Variants in CSMD1 observed in about 807,000 individuals in gnomAD.
The protein encoded by CSMD1 is CUB and sushi domain-containing protein 1.
A neutral mutation model predicts 417.5 loss-of-function variants in CSMD1; 213 were observed. The observed-to-expected ratio is 0.51, with a 90% CI of 0.46 to 0.57. The LOEUF (loss-of-function observed/expected upper bound fraction) is 0.57, where lower values mean the gene tolerates loss of function less well. Ranked by LOEUF, CSMD1 falls within the 20% of genes least tolerant of loss-of-function variation. The probability of loss-of-function intolerance (pLI) is 0.00; values close to 1 mark genes in which losing one functional copy is unlikely to be tolerated. For missense variants in CSMD1, 6,923 were observed against 4,529.7 expected (o/e 1.53, Z -15.17); for synonymous variants, 2,862 against 1,736.8 (o/e 1.65, Z -16.11).
chr8:3,262,886 A>G (rs1449635769), intron 26 of CSMD1, among the ~76,000 whole-genome samples: 5 of 152,216 alleles, frequency 3.3e-5, no homozygotes, highest in African/African-American at 9.6e-5. Flanking sequence ...ATTTTGTACA[A>G]GAGGGAATGT....
In CSMD1 at chr8:3,730,199, G is replaced by C. The variant is rs1802761510; in HGVS notation, c.932-21708C>G. On this transcript the variant is annotated intron_variant, in intron 6 of 69. Coordinates refer to ENST00000635120, the MANE Select transcript of CSMD1 (RefSeq NM_033225.6). Reference sequence around the variant, plus strand: ...AAATCATGTCTCCAACAGGTAGGCAGAGAATGAGGCTTCCAGTTTGATTCC... The same window carrying C: ...AAATCATGTCTCCAACAGGTAGGCACAGAATGAGGCTTCCAGTTTGATTCC... Among the ~76,000 whole-genome samples, 3 of 152,012 alleles carry C rather than the reference G, an allele frequency of 2.0e-5. No homozygotes were observed. The South Asian group carries it at 6.2e-4, about 32-fold the overall frequency.
Position 3,498,689 on chromosome 8 carries a change from T to A in CSMD1, c.1345-4963A>T, listed in dbSNP as rs559410283. On this transcript the variant is annotated intron_variant, in intron 10 of 69. Coordinates refer to ENST00000635120, the MANE Select transcript of CSMD1 (RefSeq NM_033225.6). ...CACATTTTGTAGGCATTCCTTATTC[T>A]TACTTATTCTTTTTTGTCTGACTGG... Among the ~76,000 whole-genome samples, 48 of 152,352 alleles carry A rather than the reference T, an allele frequency of 3.2e-4. No homozygotes were observed. In the Middle Eastern group the frequency reaches 0.01, roughly 32 times the overall value.
At chr8:3,217,516 C>T (rs6981827) in intron 29 of CSMD1, among the ~76,000 whole-genome samples, 11,124 of 152,126 alleles carry the variant, frequency 0.073, 509 homozygotes, top group South Asian at 0.15. Flanking sequence ...GTTTTGTTTA[C>T]TTGCCTGCAT....
Position 3,822,910 on chromosome 8 carries a change from G to C in CSMD1, c.819-68868C>G, listed in dbSNP as rs73658293. On this transcript the variant is annotated intron_variant, in intron 5 of 69. Coordinates refer to ENST00000635120, the MANE Select transcript of CSMD1 (RefSeq NM_033225.6). The stretch of plus-strand genomic sequence containing the variant: ...GAACCAGAGTAACTCACTGTGCAGA[G>C]CTAAGTAAAGACTGTTTGGTATTCT... Among the ~76,000 whole-genome samples, 216 of 152,280 alleles carry C rather than the reference G, an allele frequency of 1.4e-3. 2 individuals are homozygous for C. Among genetic ancestry groups the C allele is most frequent in the African/African-American group, 4.4e-3 (183 of 41,562 alleles).
At chr8:3,810,548 T>C (rs1563103227) in intron 5 of CSMD1, among the ~76,000 whole-genome samples, 3 of 152,126 alleles carry the variant, frequency 2.0e-5, no homozygotes, top group South Asian at 2.1e-4. Flanking sequence ...TGGTCTGTAA[T>C]CAACCGAGGG....
chr8:4,567,872 G>C (rs1207228592), intron 2 of CSMD1, among the ~76,000 whole-genome samples: 1 of 152,156 alleles, frequency 6.6e-6, no homozygotes, highest in Admixed American at 6.6e-5. Flanking sequence ...TGCTGAGTAA[G>C]AATATTTAGT....
chr8:3,716,891 T>C (rs900886391), intron 6 of CSMD1, among the ~76,000 whole-genome samples: 9 of 152,320 alleles, frequency 5.9e-5, no homozygotes, highest in African/African-American at 2.2e-4. Context: ...AAATATTTTG[T>C]ACATGGTACT....
intron 1 of CSMD1, among the ~76,000 whole-genome samples, chr8:4,941,409 T>C (rs1383115419): frequency 3.9e-5 from 6 of 152,214 alleles, no homozygotes; most frequent in Non-Finnish European, 7.3e-5. Context: ...ATTTGTGACA[T>C]TCTGTACCAA....
intron 25 of CSMD1, among the ~76,000 whole-genome samples, chr8:3,306,078 G>C (rs1563251507): frequency 1.3e-5 from 2 of 151,888 alleles, no homozygotes; most frequent in Non-Finnish European, 2.9e-5. Flanking sequence ...CTTTTATGTA[G>C]GGAGAACCTT....
chr8:4,223,798 G>A (rs1181518310), intron 3 of CSMD1, among the ~76,000 whole-genome samples: 1 of 152,112 alleles, frequency 6.6e-6, no homozygotes, highest in South Asian at 2.1e-4. Context: ...AAAGCCCCTT[G>A]GCCAATAACA....
At chr8:4,957,605 G>C (rs1451026253) in intron 1 of CSMD1, among the ~76,000 whole-genome samples, 1 of 151,918 alleles carries the variant, frequency 6.6e-6, no homozygotes, top group East Asian at 1.9e-4. Flanking sequence ...ATCCTCATAT[G>C]AAAGAAAAAA....
intron 3 of CSMD1, among the ~76,000 whole-genome samples, chr8:4,091,030 T>C (rs920742074): frequency 1.3e-5 from 2 of 151,876 alleles, no homozygotes; most frequent in African/African-American, 2.4e-5. Flanking sequence ...GTGATTCTCC[T>C]GTCTCAGCCT....
chr8:4,978,832 G>A (rs1810711173), intron 1 of CSMD1, among the ~76,000 whole-genome samples: 1 of 151,858 alleles, frequency 6.6e-6, no homozygotes, highest in Non-Finnish European at 1.5e-5. Flanking sequence ...CAGCTACTCG[G>A]GAGGTTGAGG....
intron 6 of CSMD1, among the ~76,000 whole-genome samples, chr8:3,736,877 G>A (rs1363300247): frequency 6.6e-6 from 1 of 152,184 alleles, no homozygotes; most frequent in Non-Finnish European, 1.5e-5. Flanking sequence ...GCCATGCCTG[G>A]CATGTAGAAG....
At chr8:4,309,670 T>C (rs980485865) in intron 3 of CSMD1, among the ~76,000 whole-genome samples, 2 of 152,242 alleles carry the variant, frequency 1.3e-5, no homozygotes, top group African/African-American at 2.4e-5. Flanking sequence ...TTTGAGCATA[T>C]CACCTTACAC....
intron 3 of CSMD1, among the ~76,000 whole-genome samples, chr8:4,332,400 T>C (rs1004323346): frequency 6.6e-5 from 10 of 152,094 alleles, no homozygotes; most frequent in Non-Finnish European, 1.3e-4. Flanking sequence ...GGCAGGAGGA[T>C]AGTATAAATT....
At chr8:4,027,961 T>C (rs907324250) in intron 4 of CSMD1, among the ~76,000 whole-genome samples, 1 of 152,168 alleles carries the variant, frequency 6.6e-6, no homozygotes, top group East Asian at 1.9e-4. Flanking sequence ...AGAATATATT[T>C]AGGATGCCCA....
chr8:4,133,888 A>G (rs926932600), intron 3 of CSMD1, among the ~76,000 whole-genome samples: 3 of 152,182 alleles, frequency 2.0e-5, no homozygotes, highest in Non-Finnish European at 4.4e-5. Context: ...TTTTTATAAG[A>G]AATCTTGTAA....
chr8:3,487,001 T>A (rs982444236), intron 11 of CSMD1, among the ~76,000 whole-genome samples: 1 of 151,774 alleles, frequency 6.6e-6, no homozygotes, highest in African/African-American at 2.4e-5. Flanking sequence ...TCCTGGGGAG[T>A]TGATCCTGAA....
Sources: allele counts gnomAD v4.1 joint callset (sites outside exome capture counted in the v4.1 genomes callset), GRCh38; gene constraint gnomAD v4.1.1; transcripts MANE v1.5; gene names NCBI Gene and HGNC (gene_info 2026-07-23, HGNC 2026-07-21).